The following ITPK1 variants were observed in gnomAD, a reference collection of about 807,000 sequenced individuals.
ITPK1 encodes inositol-tetrakisphosphate 1-kinase, also known as inositol 1,3,4-trisphosphate 5/6-kinase.
In ITPK1, 21 loss-of-function variants were observed where a neutral mutation model predicts 45.3. That is an observed-to-expected ratio of 0.46 (90% confidence interval 0.33 to 0.67). ITPK1 has a LOEUF of 0.67. Among genes scored for constraint, ITPK1 ranks in the 30% least tolerant of loss-of-function variants. The pLI, the probability that ITPK1 is intolerant of heterozygous loss-of-function variation, is 0.02. For missense variants in ITPK1, 474 were observed against 573.5 expected (o/e 0.83, Z 1.77); for synonymous variants, 258 against 253.6 (o/e 1.02, Z -0.16).
chr14:93,012,017 C>G lies in ITPK1; in HGVS notation c.246+4659G>C, dbSNP rs906946474. Among the ~76,000 whole-genome samples the G allele has an allele frequency of 2.6e-5, 4 of 152,168 alleles. No individual in the cohort carries two copies. Among genetic ancestry groups the G allele is most frequent in the African/African-American group, 9.7e-5 (4 of 41,444 alleles). On this transcript the variant is annotated intron_variant, in intron 4 of 10. Coordinates refer to ENST00000267615, the MANE Select transcript of ITPK1 (RefSeq NM_014216.6). This position sits in a 1 kb window ranked among gnomAD's most constrained non-coding sequence, Gnocchi z 4.9. Reference sequence around the variant, plus strand: ...GCACATGCCCATCAGGCAGCGCCATCTGCCTCATTAACGCTCCTGGCCTCC... The same window carrying G: ...GCACATGCCCATCAGGCAGCGCCATGTGCCTCATTAACGCTCCTGGCCTCC...
intron 3 of ITPK1, among the ~76,000 whole-genome samples, chr14:93,057,883 G>A (rs537874303): frequency 1.3e-5 from 2 of 152,288 alleles, no homozygotes; most frequent in South Asian, 2.1e-4. Flanking sequence ...CATGACCCAC[G>A]ATTCTGGCAT....
At chr14:93,049,553 C>T (rs1889920755) in intron 3 of ITPK1, among the ~76,000 whole-genome samples, 1 of 152,110 alleles carries the variant, frequency 6.6e-6, no homozygotes, top group South Asian at 2.1e-4. Context: ...AGGGCTTAGA[C>T]TTTAACCTAA....
intron 5 of ITPK1, among the ~76,000 whole-genome samples, chr14:92,988,965 G>A (rs187151578): frequency 1.6e-4 from 24 of 152,230 alleles, no homozygotes; most frequent in South Asian, 4.1e-4. Flanking sequence ...GAGGGGTGGC[G>A]GTGGCAATGG....
At chr14:92,972,166 A>C (rs960150783) in intron 5 of ITPK1, among the ~76,000 whole-genome samples, 16 of 152,192 alleles carry the variant, frequency 1.1e-4, no homozygotes, top group African/African-American at 3.9e-4. Flanking sequence ...CCCGCGAGTG[A>C]AGCCCACAGC....
At chr14:93,084,690 A>G (rs954520504) in intron 2 of ITPK1, among the ~76,000 whole-genome samples, 4 of 152,164 alleles carry the variant, frequency 2.6e-5, no homozygotes, top group African/African-American at 7.2e-5. Flanking sequence ...CACCTGCCAC[A>G]TGGGCATTTG....
intron 4 of ITPK1, among the ~76,000 whole-genome samples, chr14:92,997,105 G>A (rs546745075): frequency 1.3e-5 from 2 of 152,336 alleles, no homozygotes; most frequent in Non-Finnish European, 2.9e-5. Context: ...GGCCACCCAC[G>A]CATTCGCTGC....
At chr14:93,099,626 A>C (rs945506370) in intron 2 of ITPK1, among the ~76,000 whole-genome samples, 2 of 152,142 alleles carry the variant, frequency 1.3e-5, no homozygotes, top group Non-Finnish European at 2.9e-5. Flanking sequence ...GGCCGTGGGA[A>C]TAAGCCAGAT....
At chr14:93,068,685 G>A (rs1392402821) in intron 3 of ITPK1, 6 of 152,236 alleles carry the variant, frequency 3.9e-5, no homozygotes, top group Non-Finnish European at 8.8e-5. Flanking sequence ...ATGGGTGGCA[G>A]AGGGAACCCC....
At chr14:93,035,413 T>C (rs575688802) in intron 3 of ITPK1, among the ~76,000 whole-genome samples, 22 of 152,166 alleles carry the variant, frequency 1.4e-4, no homozygotes, top group Non-Finnish European at 2.9e-4. Flanking sequence ...AGCTGAGCCT[T>C]GAAGGACAGT....
intron 3 of ITPK1, among the ~76,000 whole-genome samples, chr14:93,047,036 A>G (rs1889808181): frequency 6.6e-6 from 1 of 152,206 alleles, no homozygotes; most frequent in Non-Finnish European, 1.5e-5. Context: ...GGAAGTCAGG[A>G]AAGAGGGGAC....
intron 10 of ITPK1, among the ~76,000 whole-genome samples, chr14:92,944,003 A>G (rs1050856228): frequency 6.6e-6 from 1 of 152,200 alleles, no homozygotes; most frequent in African/African-American, 2.4e-5. Context: ...CCAGCCTCAC[A>G]TTCTTATCAG....
chr14:92,969,924 G>A (rs190275066), intron 5 of ITPK1, among the ~76,000 whole-genome samples: 59 of 152,216 alleles, frequency 3.9e-4, no homozygotes, highest in Admixed American at 1.6e-3. Context: ...ACCATGAAGC[G>A]GGAGGGCACG....
chr14:93,051,890 C>A (rs1890030858), intron 3 of ITPK1, among the ~76,000 whole-genome samples: 1 of 152,258 alleles, frequency 6.6e-6, no homozygotes, highest in Non-Finnish European at 1.5e-5. Context: ...CTCACCTCTG[C>A]AGTTTTTGGC....
At chr14:93,092,093 C>G (rs182748419) in intron 2 of ITPK1, among the ~76,000 whole-genome samples, 233 of 152,266 alleles carry the variant, frequency 1.5e-3, no homozygotes, top group African/African-American at 5.4e-3. Context: ...ATAAGCAAGG[C>G]CCAGAACTGA....
chr14:93,002,936 A>G (rs1472693395), intron 4 of ITPK1, among the ~76,000 whole-genome samples: 4 of 152,170 alleles, frequency 2.6e-5, no homozygotes, highest in Non-Finnish European at 5.9e-5. Context: ...ATCTCTTCCC[A>G]GCCCTGGAGC....
chr14:93,114,163 G>A (rs1409461102), intron 2 of ITPK1, among the ~76,000 whole-genome samples: 6 of 152,260 alleles, frequency 3.9e-5, no homozygotes, highest in Non-Finnish European at 8.8e-5. Flanking sequence ...ATTCTCTTAG[G>A]CTTGCATTGA....
intron 2 of ITPK1, among the ~76,000 whole-genome samples, chr14:93,112,358 G>A (rs954176608): frequency 8.5e-5 from 13 of 152,080 alleles, no homozygotes; most frequent in South Asian, 4.2e-4. Flanking sequence ...ATTTTTACAA[G>A]GCCGGACATT....
intron 3 of ITPK1, among the ~76,000 whole-genome samples, chr14:93,061,637 CA>C (rs1245146350): frequency 6.6e-6 from 1 of 152,168 alleles, no homozygotes; most frequent in Non-Finnish European, 1.5e-5. Context: ...TGTAATTCCC[CA>C]AAATGCAGGG....
intron 10 of ITPK1, among the ~76,000 whole-genome samples, chr14:92,943,015 T>C (rs1023029447): frequency 6.6e-6 from 1 of 152,246 alleles, no homozygotes; most frequent in African/African-American, 2.4e-5. Context: ...AATCTGCCCA[T>C]GCCCTTACTT....
Sources: gnomAD v4.1 joint callset for allele counts (sites outside exome capture counted in the v4.1 genomes callset) on GRCh38, gnomAD v4.1.1 for gene constraint, Gnocchi (gnomAD v3.1) non-coding constraint, MANE v1.5 for transcripts, NCBI Gene and HGNC (gene_info 2026-07-23, HGNC 2026-07-21) for gene names.